DISP1: variants seen among roughly 807,000 people sequenced by gnomAD.
DISP1 encodes the protein dispatched RND transporter family member 1, also known as protein dispatched homolog 1.
DISP1 carries 30 observed loss-of-function variants against 37.3 expected under a neutral mutation model. The ratio of observed to expected loss-of-function variants is 0.80; its 90% CI spans 0.60 to 1.09. The LOEUF is 1.09. Among genes scored for constraint, DISP1 ranks in the 50% least tolerant of loss-of-function variants. The pLI, the probability that DISP1 is intolerant of heterozygous loss-of-function variation, is 0.00. For synonymous variants in DISP1, 634 were observed against 690.2 expected, an observed-to-expected ratio of 0.92 and a Z score of 1.28; for missense variants, 1,598 against 1,879.5, an observed-to-expected ratio of 0.85 and a Z score of 2.77.
chr1:222,864,466 G>A (rs1377600430), intron 1 of DISP1, among the ~76,000 whole-genome samples: 2 of 151,972 alleles, frequency 1.3e-5, no homozygotes, highest in Non-Finnish European at 2.9e-5. Context: ...AAACGACTCT[G>A]TAGGAGTCCT....
chr1:222,936,733 TAAA>T (rs1218395834), intron 2 of DISP1, among the ~76,000 whole-genome samples: 15 of 99,286 alleles, frequency 1.5e-4, no homozygotes, highest in African/African-American at 5.7e-4. Context: ...ATATGATATA[TAAA>T]AATTATATAT....
At chr1:222,839,337 G>A (rs368686189) in intron 1 of DISP1, among the ~76,000 whole-genome samples, 4 of 152,128 alleles carry the variant, frequency 2.6e-5, no homozygotes, top group South Asian at 2.1e-4. Context: ...GTTTCCTACC[G>A]AAACCATCAC....
chr1:222,935,947 T>C (rs868493470), intron 2 of DISP1, among the ~76,000 whole-genome samples: 3 of 152,344 alleles, frequency 2.0e-5, no homozygotes, highest in Middle Eastern at 3.4e-3. Context: ...GACATTTTGG[T>C]CAGTGACAGA....
At chr1:222,841,088 A>G (rs1454588747) in intron 1 of DISP1, among the ~76,000 whole-genome samples, 1 of 152,222 alleles carries the variant, frequency 6.6e-6, no homozygotes, top group African/African-American at 2.4e-5. Context: ...TGCTATTAAT[A>G]ATATGTTTGA....
intron 3 of DISP1, among the ~76,000 whole-genome samples, chr1:222,958,372 A>G (rs970276380): frequency 1.3e-5 from 2 of 152,242 alleles, no homozygotes; most frequent in African/African-American, 4.8e-5. Flanking sequence ...AAAAGACAGC[A>G]AAGAAAATTA....
rs529726083 is a variant in DISP1 at position 222,855,092 on chromosome 1, T to C, written c.-159+40014T>C. ...AGACACAAAGGAAAACAAAGAACTT[T>C]GAATATAATAAATTAGCTTTTGCTT... On this transcript the variant is annotated intron_variant, in intron 1 of 8. Transcript: ENST00000675850. 6.6e-5 allele frequency among the ~76,000 whole-genome samples: 10 copies of C among 152,284 alleles called. No homozygotes were observed. In the South Asian group the frequency reaches 2.1e-3, roughly 32 times the overall value.
In DISP1 at chr1:223,003,604, T is replaced by G; in HGVS notation, c.2207T>G (p.Val736Gly). 1 of 1,614,228 alleles carries G rather than the reference T, an allele frequency of 6.2e-7. No individual in the cohort carries two copies. Among genetic ancestry groups the G allele is most frequent in the South Asian group, 1.1e-5 (1 of 91,088 alleles). ...TTAACTGTAGGTGGGGCCTACATTGTATGTATAAATCCAAAGATGAAACTG... is the reference window on the plus strand; with the variant it reads ...TTAACTGTAGGTGGGGCCTACATTGGATGTATAAATCCAAAGATGAAACTG... ...LALTVGGAYI[V>G]CINPKMKLPS... The change falls in exon 9 of 9, where the codon GTA becomes GGA. Residue 736 changes from valine to glycine, a missense_variant. Physicochemically the swap from Val to Gly is moderately radical, Grantham distance 109. Transcript: ENST00000675850. This position sits in a 1 kb window ranked among gnomAD's most constrained non-coding sequence, Gnocchi z 4.3.
chr1:222,823,362 G>A (rs1015041443), intron 1 of DISP1, among the ~76,000 whole-genome samples: 3 of 152,124 alleles, frequency 2.0e-5, no homozygotes, highest in African/African-American at 7.2e-5. Context: ...GCTTAAAAAA[G>A]AATGCAGTCA....
In DISP1 at chr1:223,003,832, T is replaced by G; in HGVS notation, c.2435T>G (p.Leu812Ter). Residue 812 changes from leucine to a stop codon, truncating the protein, a stop_gained, in exon 9 of 9, where the codon TTA becomes TGA. Coordinates refer to ENST00000675850, the MANE Select transcript of DISP1 (RefSeq NM_001377229.1). LOFTEE classifies it low-confidence loss of function (END_TRUNC). The surrounding 1 kb of genome is among the most constrained non-coding windows in gnomAD (Gnocchi z 4.3). ...LNPKSKGKLT[L>*]DSSFNIASPA... ...CCCAAGAGTAAAGGGAAGTTGACATTAGATAGCAGTTTTAACATCGCCAGC... is the reference window on the plus strand; with the variant it reads ...CCCAAGAGTAAAGGGAAGTTGACATGAGATAGCAGTTTTAACATCGCCAGC... The G allele has an allele frequency of 6.2e-7, 1 of 1,614,142 alleles. No homozygotes were observed. The highest frequency in any genetic ancestry group is 8.5e-7 in the Non-Finnish European group (1 of 1,180,034).
At chr1:222,835,035 G>C (rs1276454747) in intron 1 of DISP1, 1 of 152,088 alleles carries the variant, frequency 6.6e-6, no homozygotes, top group Non-Finnish European at 1.5e-5. Context: ...TATTGATATA[G>C]TATGAACATT....
rs1275754600 is a variant in DISP1 at position 222,835,955 on chromosome 1, C to CAA, written c.-159+20894_-159+20895dup. ...GGCAGACAGAGTGAGACTCTTGTCT[C>CAA]AAAAAAAAAAAAAAAAAATTGAGCT... is the stretch of plus-strand genomic sequence containing the variant. On this transcript the variant is annotated intron_variant, in intron 1 of 8. Transcript: ENST00000675850. Among the ~76,000 whole-genome samples the CAA allele has an allele frequency of 1.1e-3, 133 of 117,008 alleles. 3 individuals carry two copies. Among genetic ancestry groups the CAA allele is most frequent in the Middle Eastern group, 5.3e-3 (1 of 188 alleles). 76.8% of individuals were successfully genotyped at this position (117,008 alleles called of 152,430 possible). A position where few individuals can be genotyped will look rare whatever the true frequency, so the allele number is the denominator to read the frequency against.
At chr1:222,872,983 TTG>T in intron 1 of DISP1, among the ~76,000 whole-genome samples, 1 of 152,326 alleles carries the variant, frequency 6.6e-6, no homozygotes, top group East Asian at 1.9e-4. Context: ...GTCTTTGTTC[TTG>T]TTGGTTTCAA....
chr1:222,848,825 T>C (rs1312088555), intron 1 of DISP1, among the ~76,000 whole-genome samples: 1 of 149,878 alleles, frequency 6.7e-6, no homozygotes, highest in Non-Finnish European at 1.5e-5. Context: ...TGTGGAAATA[T>C]TTATATCAGA....
intron 1 of DISP1, among the ~76,000 whole-genome samples, chr1:222,871,371 T>C (rs1669562418): frequency 6.6e-6 from 1 of 152,174 alleles, no homozygotes; most frequent in African/African-American, 2.4e-5. Flanking sequence ...AATCTATAAA[T>C]TACCTTGGGC....
chr1:222,973,115 G>A (rs1279139688), intron 3 of DISP1, among the ~76,000 whole-genome samples: 1 of 152,118 alleles, frequency 6.6e-6, no homozygotes, highest in African/African-American at 2.4e-5. Flanking sequence ...TAGCCAGGAT[G>A]CCCCATTCTC....
chr1:222,866,735 A>G (rs1669214648), intron 1 of DISP1, among the ~76,000 whole-genome samples: 1 of 152,220 alleles, frequency 6.6e-6, no homozygotes, highest in South Asian at 2.1e-4. Context: ...TATCACATAT[A>G]ACCTAAAGGT....
At chr1:222,990,198 T>A (rs1678595000) in intron 4 of DISP1, among the ~76,000 whole-genome samples, 1 of 152,202 alleles carries the variant, frequency 6.6e-6, no homozygotes, top group Non-Finnish European at 1.5e-5. Flanking sequence ...AGAAAGGGAA[T>A]AACTAGAGAA....
intron 1 of DISP1, among the ~76,000 whole-genome samples, chr1:222,834,831 ACT>A (rs1437168426): frequency 1.3e-5 from 2 of 152,070 alleles, no homozygotes; most frequent in East Asian, 1.9e-4. Flanking sequence ...AACTTACTTG[ACT>A]CTGTTTTTTT....
At chr1:222,952,750 T>C (rs1348009238) in intron 3 of DISP1, among the ~76,000 whole-genome samples, 1 of 152,146 alleles carries the variant, frequency 6.6e-6, no homozygotes, top group Non-Finnish European at 1.5e-5. Context: ...CTCAGGAGGC[T>C]GAGGCCGGAG....
Sources: allele counts gnomAD v4.1 joint callset (sites outside exome capture counted in the v4.1 genomes callset), GRCh38; gene constraint gnomAD v4.1.1; non-coding constraint Gnocchi (gnomAD v3.1); transcripts MANE v1.5; gene names NCBI Gene and HGNC (gene_info 2026-07-23, HGNC 2026-07-21).